TBL1X: variants seen among roughly 807,000 people sequenced by gnomAD.
TBL1X encodes transducin beta like 1 X-linked.
In TBL1X, 10 loss-of-function variants were observed where a neutral mutation model predicts 50.7. The ratio of observed to expected loss-of-function variants is 0.20; its 90% CI spans 0.12 to 0.33. The LOEUF is 0.33. Ranked by LOEUF, TBL1X falls within the 10% of genes least tolerant of loss-of-function variation. The probability of loss-of-function intolerance (pLI) is 1.00; values close to 1 mark genes in which losing one functional copy is unlikely to be tolerated. For missense variants in TBL1X, 340 were observed against 504.4 expected (o/e 0.67, Z 3.12); for synonymous variants, 190 against 214.7 (o/e 0.88, Z 1.01).
intron 2 of TBL1X, among the ~76,000 whole-genome samples, chrX:9,513,119 C>CAAACAAAGCATGCTACACG (rs1391379813): frequency 9.0e-6 from 1 of 111,003 alleles, no homozygotes; most frequent in Non-Finnish European, 1.9e-5. Context: ...GTTGAGGAAA[C>CAAACAAAGCATGCTACACG]AAACAAAGCA....
At position 9,717,919 on chromosome X, in the gene TBL1X, G is replaced by C. The variant is rs1405083530; in HGVS notation, c.*1673G>C. 4.5e-5 allele frequency: 5 copies of C among 111,876 alleles called. No homozygotes were observed. In the Admixed American group the frequency reaches 4.7e-4, roughly 11 times the overall value. The allele number at this position is 111,876 out of a possible 1,213,427, so 9.2% of individuals were successfully genotyped here. On this transcript the variant is annotated 3_prime_UTR_variant, in exon 18 of 18. Transcript: ENST00000645353. ...AAGATCTTTTTTAAATAATCTTTTT[G>C]CTGTTTTTAAAAAATTAAACAAGGC...
intron 5 of TBL1X, among the ~76,000 whole-genome samples, chrX:9,655,211 A>C (rs1371572983): frequency 1.8e-5 from 2 of 111,063 alleles, no homozygotes; most frequent in South Asian, 7.7e-4. Context: ...GGGTGGCTTA[A>C]AAAGAAATAT....
intron 17 of TBL1X, 108 bp from the exon 18 acceptor site, chrX:9,716,112 C>A (rs1243962115): frequency 1.6e-5 from 13 of 817,794 alleles, no homozygotes; most frequent in South Asian, 2.3e-5. Context: ...TGACAAACAT[C>A]GGTGGAGGGC....
intron 2 of TBL1X, among the ~76,000 whole-genome samples, chrX:9,584,146 G>A (rs1370910238): frequency 8.9e-6 from 1 of 112,009 alleles, no homozygotes. Context: ...CATTGCAAGA[G>A]GTCCAGCCTC....
At chrX:9,565,555 A>G (rs758284990) in intron 2 of TBL1X, among the ~76,000 whole-genome samples, 124 of 111,231 alleles carry the variant, frequency 1.1e-3, no homozygotes, top group African/African-American at 3.8e-3. Flanking sequence ...CTGGCCAGGC[A>G]TGGTGGCTTA....
chrX:9,594,753 T>G (rs765486871), intron 2 of TBL1X, among the ~76,000 whole-genome samples: 1 of 112,309 alleles, frequency 8.9e-6, no homozygotes, highest in African/African-American at 3.2e-5. Flanking sequence ...TGAATTGTTA[T>G]TTTAAATGGT....
intron 2 of TBL1X, among the ~76,000 whole-genome samples, chrX:9,593,518 C>T (rs1470343385): frequency 9.0e-6 from 1 of 111,038 alleles, no homozygotes; most frequent in Non-Finnish European, 1.9e-5. Flanking sequence ...ACCCTAAACA[C>T]TGCCAACCTT....
At chrX:9,613,840 G>A (rs1472358636) in intron 2 of TBL1X, among the ~76,000 whole-genome samples, 2 of 108,993 alleles carry the variant, frequency 1.8e-5, no homozygotes, top group East Asian at 5.8e-4. Flanking sequence ...ACAAAAATTA[G>A]CCGGGCATGG....
chrX:9,666,935 G>A (rs1353511972), intron 5 of TBL1X, among the ~76,000 whole-genome samples: 3 of 111,988 alleles, frequency 2.7e-5, no homozygotes, highest in East Asian at 5.6e-4. Context: ...TGGAAATACG[G>A]TTTTTGTTAA....
chrX:9,664,569 G>A (rs1014587368), intron 5 of TBL1X, among the ~76,000 whole-genome samples: 28 of 111,181 alleles, frequency 2.5e-4, no homozygotes, highest in African/African-American at 8.5e-4. Flanking sequence ...TTTTACTGGG[G>A]GAAAAAGTCG....
At chrX:9,672,661 G>T (rs747737026) in intron 5 of TBL1X, among the ~76,000 whole-genome samples, 1 of 110,976 alleles carries the variant, frequency 9.0e-6, no homozygotes, top group Admixed American at 9.6e-5. Context: ...AATCTCTCCA[G>T]TGACTCCTCC....
intron 11 of TBL1X, among the ~76,000 whole-genome samples, chrX:9,694,993 A>AATAG (rs1319755075): frequency 2.8e-5 from 3 of 108,695 alleles, no homozygotes; most frequent in Non-Finnish European, 5.9e-5. Context: ...TAAATAAATA[A>AATAG]ATAAAATGAT....
At chrX:9,692,997 T>C in intron 9 of TBL1X, 152 bp from the exon 10 acceptor site, 1 of 560,977 alleles carries the variant, frequency 1.8e-6, no homozygotes, top group Non-Finnish European at 3.0e-6. Flanking sequence ...TTACGATAGC[T>C]TTCAGCATGG....
chrX:9,666,065 C>T (rs1181767478), intron 5 of TBL1X, among the ~76,000 whole-genome samples: 4 of 111,836 alleles, frequency 3.6e-5, no homozygotes, highest in Non-Finnish European at 7.5e-5. Context: ...GGCTGATTGG[C>T]TTTGGATTGC....
At chrX:9,605,550 A>G (rs1390304307) in intron 2 of TBL1X, among the ~76,000 whole-genome samples, 3 of 112,674 alleles carry the variant, frequency 2.7e-5, no homozygotes, top group Non-Finnish European at 5.6e-5. Flanking sequence ...AAGAACTTTA[A>G]GCAGGGGCTT....
intron 2 of TBL1X, among the ~76,000 whole-genome samples, chrX:9,634,982 G>A (rs772849038): frequency 2.0e-4 from 22 of 111,356 alleles, no homozygotes; most frequent in Admixed American, 1.9e-3. Context: ...TGCTGGCCTC[G>A]GTTAGCTGAG....
At chrX:9,571,558 T>C (rs1451077475) in intron 2 of TBL1X, among the ~76,000 whole-genome samples, 2 of 111,955 alleles carry the variant, frequency 1.8e-5, no homozygotes, top group African/African-American at 6.5e-5. Context: ...CACAGAATTA[T>C]TTTTATTGTG....
chrX:9,711,108 G>A (rs1299235749), intron 15 of TBL1X, among the ~76,000 whole-genome samples: 2 of 111,401 alleles, frequency 1.8e-5, no homozygotes, highest in African/African-American at 6.5e-5. Context: ...TTGGTAGGGT[G>A]AGGCAGGAGG....
intron 2 of TBL1X, among the ~76,000 whole-genome samples, chrX:9,546,552 C>T (rs1046342812): frequency 1.8e-5 from 2 of 110,968 alleles, no homozygotes; most frequent in Non-Finnish European, 3.8e-5. Flanking sequence ...CAAAAAACTC[C>T]ACCAAGTCTG....
Sources: allele counts gnomAD v4.1 joint callset (sites outside exome capture counted in the v4.1 genomes callset), GRCh38; gene constraint gnomAD v4.1.1; transcripts MANE v1.5; gene names NCBI Gene and HGNC (gene_info 2026-07-23, HGNC 2026-07-21).